Variants in ZFHX3 observed in about 807,000 individuals in gnomAD.
ZFHX3 encodes zinc finger homeobox protein 3.
ZFHX3 carries 42 observed loss-of-function variants against 279.1 expected under a neutral mutation model. The ratio of observed to expected loss-of-function variants is 0.15; its 90% CI spans 0.12 to 0.19. The LOEUF (loss-of-function observed/expected upper bound fraction) is 0.19. Ranked by LOEUF, ZFHX3 falls within the 10% of genes least tolerant of loss-of-function variation. ZFHX3 has a pLI of 1.00. For missense variants in ZFHX3, 4,981 were observed against 4,754.0 expected (o/e 1.05, Z -1.40); for synonymous variants, 2,293 against 1,957.8 (o/e 1.17, Z -4.52).
intron 4 of ZFHX3, among the ~76,000 whole-genome samples, chr16:72,875,198 G>A (rs1213642568): frequency 6.6e-6 from 1 of 152,254 alleles, no homozygotes; most frequent in African/African-American, 2.4e-5. Flanking sequence ...AACTCCCATA[G>A]GGAATTCCAA....
chr16:73,251,962 C>T (rs1473266803), intron 5 of ZFHX3, among the ~76,000 whole-genome samples: 1 of 151,554 alleles, frequency 6.6e-6, no homozygotes, highest in Non-Finnish European at 1.5e-5. Flanking sequence ...ACGCACACAC[C>T]ATGCACACAC....
intron 2 of ZFHX3, chr16:73,680,103 T>C (rs1227732094): frequency 2.0e-5 from 3 of 152,160 alleles, no homozygotes; most frequent in Non-Finnish European, 1.5e-5. Flanking sequence ...TTTAACTACA[T>C]CGAATGAAAC....
chr16:72,919,397 G>C (rs563847251), intron 3 of ZFHX3, among the ~76,000 whole-genome samples: 5 of 151,826 alleles, frequency 3.3e-5, no homozygotes, highest in Non-Finnish European at 7.4e-5. Flanking sequence ...CTGAGCTCAA[G>C]TGATCTATCT....
intron 3 of ZFHX3, among the ~76,000 whole-genome samples, chr16:73,447,055 C>A (rs752535631): frequency 3.3e-5 from 5 of 151,824 alleles, no homozygotes; most frequent in Non-Finnish European, 5.9e-5. Context: ...GTGGTGGGCA[C>A]CTGTAGTCCC....
chr16:73,539,871 C>T (rs1250369291), intron 2 of ZFHX3, among the ~76,000 whole-genome samples: 1 of 152,188 alleles, frequency 6.6e-6, no homozygotes, highest in Non-Finnish European at 1.5e-5. Flanking sequence ...ATGAAACTCA[C>T]TGCAGCAAGA....
chr16:73,690,408 G>T (rs755904517), intron 1 of ZFHX3, among the ~76,000 whole-genome samples: 1 of 152,122 alleles, frequency 6.6e-6, no homozygotes, highest in Non-Finnish European at 1.5e-5. Context: ...TCAATTTTGG[G>T]CCACATGCAA....
chr16:73,143,733 C>T (rs377527872), intron 6 of ZFHX3: 2 of 1,304,088 alleles, frequency 1.5e-6, no homozygotes, highest in African/African-American at 3.0e-5. Flanking sequence ...CATTGAGAAA[C>T]AAGAAAGCTG....
intron 1 of ZFHX3, among the ~76,000 whole-genome samples, chr16:73,879,775 G>A (rs1311388427): frequency 6.6e-6 from 1 of 152,018 alleles, no homozygotes; most frequent in Admixed American, 6.6e-5. Flanking sequence ...ATTACTGTAG[G>A]ATGGTGAGCA....
intron 4 of ZFHX3, among the ~76,000 whole-genome samples, chr16:72,835,716 C>T (rs1486155455): frequency 6.6e-6 from 1 of 151,956 alleles, no homozygotes; most frequent in Non-Finnish European, 1.5e-5. Context: ...AGGAAGGACT[C>T]GGGGATGTGC....
At chr16:73,118,224 T>C (rs1218146728) in intron 7 of ZFHX3, among the ~76,000 whole-genome samples, 4 of 152,206 alleles carry the variant, frequency 2.6e-5, no homozygotes, top group African/African-American at 4.8e-5. Flanking sequence ...TTTTTTGTTG[T>C]TGTTGAGACA....
intron 4 of ZFHX3, among the ~76,000 whole-genome samples, chr16:73,261,026 T>G (rs2013809773): frequency 6.6e-6 from 1 of 152,214 alleles, no homozygotes; most frequent in Non-Finnish European, 1.5e-5. Context: ...TTTCAAGAAT[T>G]CTTGCAGCAG....
intron 3 of ZFHX3, among the ~76,000 whole-genome samples, chr16:73,419,507 C>A (rs942924163): frequency 1.3e-5 from 2 of 152,110 alleles, no homozygotes; most frequent in African/African-American, 2.4e-5. Context: ...TTGGTGGTGG[C>A]CCCTGCTGCC....
chr16:73,622,825 C>T (rs974244655), intron 2 of ZFHX3, among the ~76,000 whole-genome samples: 2 of 152,234 alleles, frequency 1.3e-5, no homozygotes, highest in South Asian at 4.2e-4. Flanking sequence ...ACTCGCTCTG[C>T]GAATTTCCCT....
At chr16:73,150,070 A>G (rs1966902742) in intron 5 of ZFHX3, among the ~76,000 whole-genome samples, 1 of 152,146 alleles carries the variant, frequency 6.6e-6, no homozygotes, top group African/African-American at 2.4e-5. Flanking sequence ...TACCAAGCAG[A>G]CGGAGCTTTT....
intron 3 of ZFHX3, among the ~76,000 whole-genome samples, chr16:73,319,755 AAAAAG>A (rs1193913594): frequency 6.6e-6 from 1 of 152,206 alleles, no homozygotes; most frequent in Non-Finnish European, 1.5e-5. Context: ...ACCCCGCTTG[AAAAAG>A]CAGACTGAAT....
intron 5 of ZFHX3, among the ~76,000 whole-genome samples, chr16:72,818,902 T>TA (rs1270383046): frequency 2.0e-5 from 3 of 152,208 alleles, no homozygotes. Flanking sequence ...CTTTTGTTTC[T>TA]AAAAAGGGTT....
intron 4 of ZFHX3, among the ~76,000 whole-genome samples, chr16:73,293,275 T>G (rs1384482467): frequency 6.6e-6 from 1 of 152,112 alleles, no homozygotes; most frequent in African/African-American, 2.4e-5. Flanking sequence ...AAAGAGGCTA[T>G]GAAGGAGACT....
At chr16:72,980,976 C>G (rs1962574378) in intron 1 of ZFHX3, among the ~76,000 whole-genome samples, 1 of 151,900 alleles carries the variant, frequency 6.6e-6, no homozygotes. Flanking sequence ...TAAAAGTTAC[C>G]ATTCGCTATC....
intron 2 of ZFHX3, among the ~76,000 whole-genome samples, chr16:73,624,245 G>C (rs1466475017): frequency 6.6e-6 from 1 of 151,968 alleles, no homozygotes; most frequent in Non-Finnish European, 1.5e-5. Flanking sequence ...TCCAAGAAAG[G>C]AAAAATACAA....
Sources: allele counts gnomAD v4.1 joint callset (sites outside exome capture counted in the v4.1 genomes callset), GRCh38; gene constraint gnomAD v4.1.1; transcripts MANE v1.5; gene names NCBI Gene and HGNC (gene_info 2026-07-23, HGNC 2026-07-21).